Variants in PTK2 observed in about 807,000 individuals in gnomAD.
The protein encoded by PTK2 is focal adhesion kinase 1.
PTK2 carries 45 observed loss-of-function variants against 150.1 expected under a neutral mutation model. That is an observed-to-expected ratio of 0.30 (90% CI 0.24 to 0.38). The LOEUF (loss-of-function observed/expected upper bound fraction) is 0.38. PTK2 is among the 10% of genes least tolerant of loss of function. The probability of loss-of-function intolerance (pLI) is 1.00; values close to 1 mark genes in which losing one functional copy is unlikely to be tolerated. For synonymous variants in PTK2, 432 were observed against 449.2 expected, an observed-to-expected ratio of 0.96 and a Z score of 0.48; for missense variants, 919 against 1,307.3, an observed-to-expected ratio of 0.70 and a Z score of 4.58.
chr8:140,879,193 G>T, intron 4 of PTK2: 1 of 270,640 alleles, frequency 3.7e-6, no homozygotes, highest in Non-Finnish European at 6.9e-6. Flanking sequence ...TGGGAGCAAA[G>T]GTTGAAACAA....
intron 5 of PTK2, among the ~76,000 whole-genome samples, chr8:140,848,745 A>G (rs553390298): frequency 6.6e-6 from 1 of 152,310 alleles, no homozygotes; most frequent in African/African-American, 2.4e-5. Flanking sequence ...TTTATTATCG[A>G]GCACAAAAAT....
At chr8:140,842,752 G>A (rs181174937) in intron 7 of PTK2, among the ~76,000 whole-genome samples, 31 of 152,054 alleles carry the variant, frequency 2.0e-4, no homozygotes, top group Middle Eastern at 3.4e-3. Context: ...TAGAAAGAGG[G>A]GACAGCAAAA....
chr8:140,705,352 C>T (rs1249595461), intron 24 of PTK2, among the ~76,000 whole-genome samples: 3 of 151,982 alleles, frequency 2.0e-5, no homozygotes, highest in Non-Finnish European at 2.9e-5. Context: ...ACAGACATTA[C>T]GAGTAAAAAA....
chr8:140,932,833 C>G (rs1486613523), intron 1 of PTK2, among the ~76,000 whole-genome samples: 1 of 147,576 alleles, frequency 6.8e-6, no homozygotes, highest in Non-Finnish European at 1.5e-5. Flanking sequence ...GGTTTGTATA[C>G]AGCTAGCTTA....
chr8:140,835,247 T>C (rs2100118008), intron 7 of PTK2, among the ~76,000 whole-genome samples: 1 of 152,250 alleles, frequency 6.6e-6, no homozygotes, highest in African/African-American at 2.4e-5. Flanking sequence ...AAACTAAGCT[T>C]ATTATAAGCA....
chr8:140,690,748 A>AGCC (rs1408297257), intron 26 of PTK2, among the ~76,000 whole-genome samples: 1 of 152,260 alleles, frequency 6.6e-6, no homozygotes, highest in Non-Finnish European at 1.5e-5. Flanking sequence ...ATGATTCTAC[A>AGCC]GCCTTCACAT....
At chr8:140,788,112 G>C (rs1386767317) in intron 14 of PTK2, among the ~76,000 whole-genome samples, 1 of 152,170 alleles carries the variant, frequency 6.6e-6, no homozygotes, top group East Asian at 1.9e-4. Context: ...CTGGAAACTA[G>C]GGCTACTCCA....
chr8:140,715,182 T>G (rs1360842998), intron 23 of PTK2, among the ~76,000 whole-genome samples: 7 of 135,066 alleles, frequency 5.2e-5, no homozygotes, highest in Admixed American at 2.3e-4. Flanking sequence ...TTTTTTTTTT[T>G]TTTTTTTTTT....
chr8:140,847,739 A>T (rs1486712117), intron 5 of PTK2, among the ~76,000 whole-genome samples: 1 of 152,112 alleles, frequency 6.6e-6, no homozygotes, highest in Non-Finnish European at 1.5e-5. Flanking sequence ...AGTCTAAACT[A>T]TTTACTCTGA....
intron 28 of PTK2, 81 bp from the exon 32 acceptor site, chr8:140,674,485 A>C (rs1270537638): frequency 7.8e-7 from 1 of 1,285,500 alleles, no homozygotes; most frequent in African/African-American, 1.5e-5. Flanking sequence ...CATGCCTATA[A>C]TCTCAGCACT....
intron 1 of PTK2, among the ~76,000 whole-genome samples, chr8:140,960,573 G>A (rs1344253711): frequency 2.0e-5 from 3 of 152,036 alleles, no homozygotes; most frequent in Non-Finnish European, 4.4e-5. Context: ...TCCATCAATG[G>A]TTTTACACCA....
chr8:140,924,932 A>G (rs957929398), intron 2 of PTK2, among the ~76,000 whole-genome samples: 7 of 152,336 alleles, frequency 4.6e-5, no homozygotes, highest in East Asian at 3.9e-4. Flanking sequence ...ATCAGTAAGC[A>G]TAAGAGAGAA....
chr8:140,734,763 AGGTAACATCTGAGCT>A lies in PTK2; in HGVS notation c.2030+473_2030+487del, dbSNP rs376637441. The A allele has an allele frequency of 1.4e-3, 710 of 518,052 alleles. 7 individuals are homozygous for A. Among genetic ancestry groups the A allele is most frequent in the South Asian group, 9.5e-3 (675 of 70,982 alleles). The allele number at this position is 518,052 out of a possible 1,614,324, so 32.1% of individuals were successfully genotyped here. A position where few individuals can be genotyped will look rare whatever the true frequency, so the allele number is the denominator to read the frequency against. ...GTTGATTAGGAAGCCTTCCTGAAGC[AGGTAACATCTGAGCT>A]GGGTTCTGAAAACTGAATAAAAGTT... On this transcript the variant is annotated intron_variant, in intron 22 of 31. Coordinates refer to ENST00000522684, the Ensembl canonical transcript of PTK2.
Position 140,739,127 on chromosome 8 carries a change from A to C in PTK2, c.1736-20T>G, listed in dbSNP as rs751042495. ...TGGAAGCTAGAAGATTAATTTTAGA[A>C]AATAAATTTTCCTTGTTATCTGCTT... On this transcript the variant is annotated intron_variant, in intron 20 of 31. Coordinates refer to ENST00000522684, the Ensembl canonical transcript of PTK2. 6.7e-7 allele frequency: 1 copy of C among 1,483,344 alleles called. No individual in the cohort carries two copies. The highest frequency in any genetic ancestry group is 9.1e-7 in the Non-Finnish European group (1 of 1,097,394). The allele number at this position is 1,483,344 out of a possible 1,614,324, so 91.9% of individuals were successfully genotyped here.
At chr8:140,803,317 T>C (rs778575523) in intron 11 of PTK2, among the ~76,000 whole-genome samples, 1 of 152,280 alleles carries the variant, frequency 6.6e-6, no homozygotes, top group Admixed American at 6.5e-5. Context: ...TCTTTAATCA[T>C]CATTATCTTT....
chr8:140,852,317 C>A (rs538809368), intron 5 of PTK2, among the ~76,000 whole-genome samples: 1 of 152,154 alleles, frequency 6.6e-6, no homozygotes, highest in African/African-American at 2.4e-5. Context: ...AGGGATGGGA[C>A]AGCATGTGAC....
chr8:140,790,855 G>T (rs1236175896), intron 13 of PTK2, among the ~76,000 whole-genome samples: 2 of 152,084 alleles, frequency 1.3e-5, no homozygotes. Flanking sequence ...TATTTATTGG[G>T]CAGTCAGAGG....
intron 1 of PTK2, among the ~76,000 whole-genome samples, chr8:140,986,140 T>G (rs557026767): frequency 6.6e-6 from 1 of 152,154 alleles, no homozygotes; most frequent in Non-Finnish European, 1.5e-5. Context: ...CGCTGCCCAA[T>G]GTAGTAGCCA....
chr8:140,860,118 T>C (rs2100135183), intron 5 of PTK2, among the ~76,000 whole-genome samples: 1 of 152,204 alleles, frequency 6.6e-6, no homozygotes, highest in South Asian at 2.1e-4. Context: ...ATGCTGTTAA[T>C]ACCTTCCACA....
Sources: allele counts gnomAD v4.1 joint callset (sites outside exome capture counted in the v4.1 genomes callset), GRCh38; gene constraint gnomAD v4.1.1; transcripts MANE v1.5; gene names NCBI Gene and HGNC (gene_info 2026-07-23, HGNC 2026-07-21).